Variants in KDM5B observed in about 807,000 individuals in gnomAD.
KDM5B encodes the protein lysine-specific demethylase 5B.
KDM5B carries 144 observed loss-of-function variants against 193.4 expected under a neutral mutation model. The observed-to-expected ratio is 0.74, with a 90% confidence interval of 0.65 to 0.86. KDM5B has a LOEUF of 0.86. Ranked by LOEUF, KDM5B falls within the 40% of genes least tolerant of loss-of-function variation. The pLI is 0.00. For missense variants in KDM5B, 1,833 were observed against 1,886.9 expected, an observed-to-expected ratio of 0.97 and a Z score of 0.53; for synonymous variants, 668 against 682.6, an observed-to-expected ratio of 0.98 and a Z score of 0.33.
At chr1:202,733,237 G>A (rs1156751823) in intron 23 of KDM5B, among the ~76,000 whole-genome samples, 164 bp downstream of exon 23, 1 of 152,196 alleles carries the variant, frequency 6.6e-6, no homozygotes, top group Non-Finnish European at 1.5e-5. Context: ...AAAAGAATAT[G>A]TTATACCTGC....
chr1:202,771,452 C>A (rs1261315827), intron 4 of KDM5B, among the ~76,000 whole-genome samples: 2 of 151,288 alleles, frequency 1.3e-5, no homozygotes, highest in African/African-American at 4.9e-5. Context: ...TGTTGGCCAG[C>A]CAGATCTCGA....
chr1:202,777,189 AT>A, intron 1 of KDM5B, 95 bp from the exon 2 acceptor site: 1 of 914,012 alleles, frequency 1.1e-6, no homozygotes, highest in South Asian at 1.4e-5. Flanking sequence ...GGTAAATCTT[AT>A]TCTAACCAAT....
At chr1:202,752,781 T>G in intron 12 of KDM5B, 124 bp downstream of exon 12, 1 of 894,288 alleles carries the variant, frequency 1.1e-6, no homozygotes, top group Admixed American at 2.6e-5. Context: ...AACAGCTGTT[T>G]CTGCTATCAA....
intron 1 of KDM5B, among the ~76,000 whole-genome samples, chr1:202,800,776 T>C (rs1658041682): frequency 1.3e-5 from 2 of 152,084 alleles, no homozygotes; most frequent in Admixed American, 6.5e-5. Flanking sequence ...AATGAACAGA[T>C]AAAGAAATGA....
chr1:202,732,839 T>A (rs1428035156), intron 23 of KDM5B, among the ~76,000 whole-genome samples: 1 of 152,180 alleles, frequency 6.6e-6, no homozygotes, highest in Non-Finnish European at 1.5e-5. Flanking sequence ...CTATGGAAGA[T>A]AACAGAAAAC....
At chr1:202,735,943 A>G (rs577664175) in intron 21 of KDM5B, among the ~76,000 whole-genome samples, 51 of 152,376 alleles carry the variant, frequency 3.3e-4, no homozygotes, top group African/African-American at 1.1e-3. Context: ...TGGGCGAAGC[A>G]CGGCCAAGTT....
intron 4 of KDM5B, among the ~76,000 whole-genome samples, chr1:202,767,893 T>TA (rs1019497865): frequency 3.3e-5 from 5 of 152,148 alleles, no homozygotes; most frequent in African/African-American, 1.2e-4. Flanking sequence ...TTTTCCATAT[T>TA]AAAAATCTCA....
intron 14 of KDM5B, 59 bp downstream of exon 14, chr1:202,748,885 TA>T: frequency 7.1e-7 from 1 of 1,413,118 alleles, no homozygotes. Context: ...TTAAAGTGCG[TA>T]AAAATTTTAC....
chr1:202,746,830 G>C (rs1275156745), intron 14 of KDM5B, among the ~76,000 whole-genome samples: 1 of 152,172 alleles, frequency 6.6e-6, no homozygotes, highest in Non-Finnish European at 1.5e-5. Flanking sequence ...TTTACAGGAA[G>C]TTATATGAAA....
intron 21 of KDM5B, among the ~76,000 whole-genome samples, 189 bp downstream of exon 21, chr1:202,736,024 G>C (rs1655079880): frequency 6.6e-6 from 1 of 152,196 alleles, no homozygotes; most frequent in Non-Finnish European, 1.5e-5. Flanking sequence ...ATACTGTTAT[G>C]CTAAATCAAC....
chr1:202,756,913 AC>A (rs1656034533), intron 9 of KDM5B, among the ~76,000 whole-genome samples: 1 of 152,234 alleles, frequency 6.6e-6, no homozygotes, highest in African/African-American at 2.4e-5. Flanking sequence ...CAAATACATT[AC>A]CTGAGTCCAT....
intron 8 of KDM5B, among the ~76,000 whole-genome samples, chr1:202,759,160 A>C (rs1656136370): frequency 6.6e-6 from 1 of 152,222 alleles, no homozygotes; most frequent in Non-Finnish European, 1.5e-5. Context: ...CTTTATAGCC[A>C]TGCTATACTT....
In KDM5B at chr1:202,735,590, A is replaced by C; in HGVS notation, c.3265-3T>G. 1 of 1,613,114 alleles carries C rather than the reference A, an allele frequency of 6.2e-7. No homozygotes were observed. The highest frequency in any genetic ancestry group is 1.1e-5 in the South Asian group (1 of 90,994). On this transcript the variant is annotated splice_polypyrimidine_tract_variant and splice_region_variant and intron_variant, in intron 21 of 26. Coordinates refer to ENST00000367265, the MANE Select transcript of KDM5B (RefSeq NM_006618.5). ...ATATCACATCGAGGACACAGCACCT[A>C]ATGTGGGACAAGGCACAACCAATGG...
At chr1:202,740,161 A>C (rs2102229614) in intron 20 of KDM5B, among the ~76,000 whole-genome samples, 1 of 133,702 alleles carries the variant, frequency 7.5e-6, no homozygotes. Flanking sequence ...GGGGCTCCTC[A>C]CTTCCCAGTA....
At chr1:202,789,801 A>G (rs558438745) in intron 1 of KDM5B, among the ~76,000 whole-genome samples, 1 of 152,038 alleles carries the variant, frequency 6.6e-6, no homozygotes, top group Admixed American at 6.6e-5. Context: ...ACAGTGAGAT[A>G]CCATCTCTAC....
At chr1:202,771,102 G>A (rs1197500091) in intron 4 of KDM5B, among the ~76,000 whole-genome samples, 4 of 152,130 alleles carry the variant, frequency 2.6e-5, no homozygotes, top group Non-Finnish European at 4.4e-5. Flanking sequence ...TATCACTTCC[G>A]TACTTAGGAA....
intron 7 of KDM5B, 74 bp downstream of exon 7, chr1:202,762,625 G>A: frequency 1.2e-6 from 1 of 847,658 alleles, no homozygotes; most frequent in South Asian, 1.4e-5. Context: ...TAAACTTGGG[G>A]GTAAAGGGGA....
chr1:202,774,743 A>T lies in KDM5B; in HGVS notation c.283-8T>A. On this transcript the variant is annotated splice_polypyrimidine_tract_variant and splice_region_variant and intron_variant, in intron 2 of 26. Transcript: ENST00000367265. Reference sequence around the variant, plus strand: ...TTTTACACGAGTTTGGGCCTAAAAGACAAAGAATTGAGTTTTCATCTCATT... The same window carrying T: ...TTTTACACGAGTTTGGGCCTAAAAGTCAAAGAATTGAGTTTTCATCTCATT... 1 of 1,611,680 alleles carries T rather than the reference A, an allele frequency of 6.2e-7. No individual in the cohort carries two copies. Among genetic ancestry groups the T allele is most frequent in the Non-Finnish European group, 8.5e-7 (1 of 1,178,636 alleles).
Position 202,727,473 on chromosome 1 carries a change from C to T in KDM5B, c.*1563G>A, listed in dbSNP as rs1654715350. ...GGGTACATTTAAACCTCTGCTATAT[C>T]ACAAACTGCTGTTTTTGTTGTTGTT... On this transcript the variant is annotated 3_prime_UTR_variant, in exon 27 of 27. Coordinates refer to ENST00000367265, the MANE Select transcript of KDM5B (RefSeq NM_006618.5). 1 of 152,592 alleles carries T rather than the reference C, an allele frequency of 6.6e-6. No individual in the cohort carries two copies. Among genetic ancestry groups the T allele is most frequent in the Non-Finnish European group, 1.5e-5 (1 of 68,026 alleles). 9.5% of individuals were successfully genotyped at this position (152,592 alleles called of 1,614,324 possible).
Sources: gnomAD v4.1 joint callset for allele counts (sites outside exome capture counted in the v4.1 genomes callset) on GRCh38, gnomAD v4.1.1 for gene constraint, MANE v1.5 for transcripts, NCBI Gene and HGNC (gene_info 2026-07-23, HGNC 2026-07-21) for gene names.